The following GTF2F2 variants were observed in gnomAD, a reference collection of about 807,000 sequenced individuals.
GTF2F2 encodes ATP-dependent helicase GTF2F2.
In GTF2F2, 23 loss-of-function variants were observed where a neutral mutation model predicts 42.2. The observed-to-expected ratio is 0.55, with a 90% confidence interval of 0.39 to 0.77. The LOEUF (loss-of-function observed/expected upper bound fraction) is 0.77, where lower values mean the gene tolerates loss of function less well. Among genes scored for constraint, GTF2F2 ranks in the 30% least tolerant of loss-of-function variants. The pLI, the probability that GTF2F2 is intolerant of heterozygous loss-of-function variation, is 0.00. For missense variants in GTF2F2, 261 were observed against 287.2 expected (o/e 0.91, Z 0.66); for synonymous variants, 105 against 100.8 (o/e 1.04, Z -0.25).
chr13:45,143,489 A>C lies in GTF2F2; in HGVS notation c.141-6281A>C, dbSNP rs994999220. Among the ~76,000 whole-genome samples, 8 of 152,222 alleles carry C rather than the reference A, an allele frequency of 5.3e-5. No homozygotes were observed. The East Asian group carries it at 1.5e-3, about 29-fold the overall frequency. On this transcript the variant is annotated intron_variant, in intron 2 of 7. Transcript: ENST00000340473. ...CCTCATAGGTTCAAATGCATGTAAA[A>C]TACGTAGTTAATAAGAGTTCTCCTG...
intron 6 of GTF2F2, among the ~76,000 whole-genome samples, chr13:45,254,912 A>G (rs1876035974): frequency 6.6e-6 from 1 of 152,120 alleles, no homozygotes; most frequent in African/African-American, 2.4e-5. Context: ...CACGCCTGTA[A>G]TCCCAGCACT....
chr13:45,223,770 A>G (rs79135771), intron 5 of GTF2F2, among the ~76,000 whole-genome samples: 2 of 152,346 alleles, frequency 1.3e-5, no homozygotes, highest in East Asian at 1.9e-4. Context: ...CTTCAAATAT[A>G]TAAAATAAGA....
intron 4 of GTF2F2, among the ~76,000 whole-genome samples, chr13:45,202,483 C>T (rs1873241562): frequency 6.6e-6 from 1 of 152,114 alleles, no homozygotes; most frequent in Non-Finnish European, 1.5e-5. Flanking sequence ...AATCCCAGTA[C>T]TCTTGTATGT....
chr13:45,268,543 T>G (rs1275246538), intron 7 of GTF2F2, among the ~76,000 whole-genome samples: 1 of 152,144 alleles, frequency 6.6e-6, no homozygotes, highest in African/African-American at 2.4e-5. Flanking sequence ...TTCATCCCAA[T>G]GACTTCACTC....
chr13:45,148,982 TTTAAA>T (rs1566114460), intron 2 of GTF2F2, among the ~76,000 whole-genome samples: 1 of 152,136 alleles, frequency 6.6e-6, no homozygotes, highest in South Asian at 2.1e-4. Flanking sequence ...TTGCTCATAA[TTTAAA>T]TTATTAAATT....
At chr13:45,260,520 A>G (rs1179981865) in intron 6 of GTF2F2, among the ~76,000 whole-genome samples, 1 of 152,234 alleles carries the variant, frequency 6.6e-6, no homozygotes, top group Non-Finnish European at 1.5e-5. Context: ...CTCACTTCAA[A>G]AGTTAAAAGG....
intron 4 of GTF2F2, among the ~76,000 whole-genome samples, chr13:45,158,414 T>C (rs35265217): frequency 0.014 from 2,067 of 152,318 alleles, 28 homozygotes; most frequent in Non-Finnish European, 0.022. Context: ...AATTACCCAG[T>C]CTTGGGTATG....
chr13:45,262,989 G>C (rs1456689212), intron 6 of GTF2F2, among the ~76,000 whole-genome samples: 3 of 152,154 alleles, frequency 2.0e-5, no homozygotes, highest in African/African-American at 7.2e-5. Context: ...GCCTCCCAGA[G>C]CACTAGGATT....
At chr13:45,226,444 T>C (rs570923896) in intron 5 of GTF2F2, among the ~76,000 whole-genome samples, 136 of 152,336 alleles carry the variant, frequency 8.9e-4, no homozygotes, top group Admixed American at 3.3e-3. Context: ...TTCATTCTTA[T>C]ACATCATAGG....
chr13:45,225,133 C>A (rs1231690641), intron 5 of GTF2F2, among the ~76,000 whole-genome samples: 1 of 152,122 alleles, frequency 6.6e-6, no homozygotes, highest in Non-Finnish European at 1.5e-5. Context: ...CTAATAGGCA[C>A]CCTGACAATT....
At chr13:45,261,148 C>T (rs1364101079) in intron 6 of GTF2F2, among the ~76,000 whole-genome samples, 3 of 151,414 alleles carry the variant, frequency 2.0e-5, no homozygotes, top group South Asian at 2.1e-4. Context: ...GTTTGGGGGC[C>T]GGGTGCAGTG....
At chr13:45,191,110 G>A (rs997540844) in intron 4 of GTF2F2, among the ~76,000 whole-genome samples, 7 of 149,538 alleles carry the variant, frequency 4.7e-5, no homozygotes, top group African/African-American at 9.9e-5. Context: ...AGTGGCTCAC[G>A]CCTGTAATCA....
At chr13:45,128,719 A>G (rs1043518788) in intron 1 of GTF2F2, among the ~76,000 whole-genome samples, 15 of 152,056 alleles carry the variant, frequency 9.9e-5, no homozygotes, top group African/African-American at 3.6e-4. Flanking sequence ...TCAACCTCCC[A>G]AGTACCTTGG....
chr13:45,191,224 A>AAAAAAAATATATATATATAT, intron 4 of GTF2F2, among the ~76,000 whole-genome samples: 52 of 75,290 alleles, frequency 6.9e-4, no homozygotes, highest in Non-Finnish European at 8.0e-4. Flanking sequence ...ACAAAAAAAA[A>AAAAAAAATATATATATATAT]ATATATATAT....
At chr13:45,141,147 G>T (rs546099214) in intron 2 of GTF2F2, among the ~76,000 whole-genome samples, 2 of 152,106 alleles carry the variant, frequency 1.3e-5, no homozygotes, top group Non-Finnish European at 2.9e-5. Context: ...CAGAAATATA[G>T]TATCTCTTTT....
At chr13:45,246,085 T>A (rs2138240079) in intron 5 of GTF2F2, among the ~76,000 whole-genome samples, 1 of 151,086 alleles carries the variant, frequency 6.6e-6, no homozygotes, top group South Asian at 2.1e-4. Context: ...CTCAGCTCAC[T>A]GCAAGCTCCG....
intron 5 of GTF2F2, among the ~76,000 whole-genome samples, chr13:45,238,661 A>G (rs944207306): frequency 2.0e-5 from 3 of 149,334 alleles, no homozygotes; most frequent in African/African-American, 5.0e-5. Context: ...AAAAAAAAAA[A>G]TAGTCGGGTG....
At chr13:45,278,816 C>CTTTGTTTTTTTTTTTTTTT (rs1877136252) in intron 7 of GTF2F2, among the ~76,000 whole-genome samples, 1 of 62,300 alleles carries the variant, frequency 1.6e-5, no homozygotes, top group African/African-American at 7.0e-5. Flanking sequence ...TTTTCTTTTT[C>CTTTGTTTTTTTTTTTTTTT]TTTTTTTTTT....
intron 5 of GTF2F2, among the ~76,000 whole-genome samples, chr13:45,248,495 C>T (rs919877066): frequency 5.3e-5 from 8 of 151,312 alleles, no homozygotes; most frequent in African/African-American, 1.2e-4. Flanking sequence ...GTTTTTGAGA[C>T]GGAGTTTCGC....
Sources: allele counts gnomAD v4.1 joint callset (sites outside exome capture counted in the v4.1 genomes callset), GRCh38; gene constraint gnomAD v4.1.1; transcripts MANE v1.5; gene names NCBI Gene and HGNC (gene_info 2026-07-23, HGNC 2026-07-21).